LRP1: variants seen among roughly 807,000 people sequenced by gnomAD.
The protein encoded by LRP1 is LDL receptor related protein 1.
In LRP1, 51 loss-of-function variants were observed where a neutral mutation model predicts 541.5. The ratio of observed to expected loss-of-function variants is 0.09; its 90% confidence interval spans 0.08 to 0.12. The LOEUF is 0.12. LRP1 is among the 10% of genes least tolerant of loss of function. The pLI is 1.00. For missense variants in LRP1, 3,878 were observed against 6,376.2 expected (o/e 0.61, Z 13.34); for synonymous variants, 2,219 against 2,470.8 (o/e 0.90, Z 3.02).
At chr12:57,139,175 C>T (rs2035235764) in intron 2 of LRP1, among the ~76,000 whole-genome samples, 1 of 152,188 alleles carries the variant, frequency 6.6e-6, no homozygotes, top group Non-Finnish European at 1.5e-5. Flanking sequence ...TCCTGGGTAG[C>T]TGGCACAGTC....
chr12:57,161,189 G>C, intron 13 of LRP1, 74 bp downstream of exon 13: 1 of 1,396,276 alleles, frequency 7.2e-7, no homozygotes, highest in South Asian at 1.2e-5. Context: ...ATGAGGTTCT[G>C]TGTGAGTATG....
At position 57,175,684 on chromosome 12, in the gene LRP1, G is replaced by C. The variant is rs138433565; in HGVS notation, c.3772G>C (p.Gly1258Arg). 2 of 1,575,214 alleles carry C rather than the reference G, an allele frequency of 1.3e-6. No individual in the cohort carries two copies. The highest frequency in any genetic ancestry group is 8.6e-7 in the Non-Finnish European group (1 of 1,158,322). Residue 1258 changes from glycine to arginine, a missense_variant, in exon 23 of 89, where the codon GGC becomes CGC. By Grantham distance (125) the Gly-to-Arg change is moderately radical (BLOSUM62 -2). Transcript: ENST00000243077. ...CGAGGGCTGGGTCCTGGAACCTGAC[G>C]GCGAGAGCTGCCGCAGCCTGGGTGA... is the stretch of plus-strand genomic sequence containing the variant. ...CYEGWVLEPDGESCRSLDPFK... is the reference protein window; with the variant it reads ...CYEGWVLEPDRESCRSLDPFK...
chr12:57,155,910 C>T (rs1257884245), intron 8 of LRP1, among the ~76,000 whole-genome samples, 184 bp from the exon 9 acceptor site: 1 of 152,126 alleles, frequency 6.6e-6, no homozygotes, highest in Non-Finnish European at 1.5e-5. Flanking sequence ...GTGATCGTGC[C>T]ATTGCACTTC....
At chr12:57,200,193 C>A (rs2036618838) in intron 62 of LRP1, 168 bp downstream of exon 62, 3 of 649,836 alleles carry the variant, frequency 4.6e-6, no homozygotes, top group Non-Finnish European at 8.1e-6. Flanking sequence ...AATACTTTTA[C>A]CCCCGTCACC....
rs746301803 is a variant in LRP1 at position 57,154,410 on chromosome 12, A to G, written c.1004+40A>G. 16 of 1,601,308 alleles carry G rather than the reference A, an allele frequency of 1.0e-5. No individual in the cohort carries two copies. The highest frequency in any genetic ancestry group is 1.3e-5 in the African/African-American group (1 of 74,772). On this transcript the variant is annotated intron_variant, in intron 7 of 88. Transcript: ENST00000243077. This position sits in a 1 kb window ranked among gnomAD's most constrained non-coding sequence, Gnocchi z 4.6. Reference sequence around the variant, plus strand: ...CGGGGTTCTGGCCCTGGAAGGTGGGAGGCTGAGGCTACAGTGGTAAGGAGG... The same window carrying G: ...CGGGGTTCTGGCCCTGGAAGGTGGGGGGCTGAGGCTACAGTGGTAAGGAGG...
Position 57,208,090 on chromosome 12 carries a change from A to G in LRP1, c.11912A>G (p.Asn3971Ser). 2 of 1,614,228 alleles carry G rather than the reference A, an allele frequency of 1.2e-6. No individual in the cohort carries two copies. Among genetic ancestry groups the G allele is most frequent in the African/African-American group, 1.3e-5 (1 of 75,078 alleles). ...RGIAIDWVAGNVYWTDSGRDV... is the reference protein window; with the variant it reads ...RGIAIDWVAGSVYWTDSGRDV... ...ATCGCCATCGACTGGGTGGCCGGAA[A>G]CGTGTACTGGACCGACTCGGGCCGA... Residue 3971 changes from asparagine to serine, a missense_variant, in exon 77 of 89, where the codon AAC becomes AGC. Around this residue, in one of 13 missense-constraint regions of LRP1, gnomAD observed 871 missense variants for 1,212.4 expected, o/e 0.72. Coordinates refer to ENST00000243077, the MANE Select transcript of LRP1 (RefSeq NM_002332.3).
At chr12:57,157,834 C>T (rs146281947) in intron 10 of LRP1, among the ~76,000 whole-genome samples, 193 of 152,226 alleles carry the variant, frequency 1.3e-3, no homozygotes, top group African/African-American at 4.1e-3. Flanking sequence ...CGAAGGCCAG[C>T]GGGGCTGAGT....
intron 1 of LRP1, among the ~76,000 whole-genome samples, chr12:57,136,665 G>A (rs973005412): frequency 6.6e-6 from 1 of 152,234 alleles, no homozygotes; most frequent in African/African-American, 2.4e-5. Flanking sequence ...GAAGGGGTGG[G>A]TGACTGTTCC....
At chr12:57,207,736 C>T (rs1350431151) in intron 76 of LRP1, among the ~76,000 whole-genome samples, 1 of 152,204 alleles carries the variant, frequency 6.6e-6, no homozygotes, top group South Asian at 2.1e-4. Context: ...GCACCAATCC[C>T]CCATCCTTGC....
At position 57,162,220 on chromosome 12, in the gene LRP1, T is replaced by C; in HGVS notation, c.2203-97T>C. The C allele has an allele frequency of 9.1e-7, 1 of 1,093,950 alleles. No homozygotes were observed. The highest frequency in any genetic ancestry group is 1.4e-6 in the Non-Finnish European group (1 of 716,656). 67.8% of individuals were successfully genotyped at this position (1,093,950 alleles called of 1,614,324 possible). On this transcript the variant is annotated intron_variant, in intron 13 of 88. Transcript: ENST00000243077. The surrounding 1 kb of genome is among the most constrained non-coding windows in gnomAD (Gnocchi z 5.2). Reference sequence around the variant, plus strand: ...AATGGGGGAAACAAAGCAAAACCCATGCCCAGGACATAGACAAATGAATGT... The same window carrying C: ...AATGGGGGAAACAAAGCAAAACCCACGCCCAGGACATAGACAAATGAATGT...
At chr12:57,142,279 TG>T (rs1329942156) in intron 3 of LRP1, among the ~76,000 whole-genome samples, 1 of 152,196 alleles carries the variant, frequency 6.6e-6, no homozygotes, top group Non-Finnish European at 1.5e-5. Flanking sequence ...CTTCGGGGTC[TG>T]GGCCCGGAGC....
intron 60 of LRP1, among the ~76,000 whole-genome samples, 191 bp from the exon 61 acceptor site, chr12:57,199,021 A>G (rs563233671): frequency 6.6e-6 from 1 of 152,328 alleles, no homozygotes; most frequent in South Asian, 2.1e-4. Flanking sequence ...GCCATGAGGC[A>G]GTCTAGGTTT....
At position 57,201,355 on chromosome 12, in the gene LRP1, A is replaced by G. The variant is rs1592657511; in HGVS notation, c.10346-142A>G. 2 of 1,408,268 alleles carry G rather than the reference A, an allele frequency of 1.4e-6. No homozygotes were observed. Among genetic ancestry groups the G allele is most frequent in the East Asian group, 2.3e-5 (1 of 42,578 alleles). 87.2% of individuals were successfully genotyped at this position (1,408,268 alleles called of 1,614,324 possible). A position where few individuals can be genotyped will look rare whatever the true frequency, so the allele number is the denominator to read the frequency against. On this transcript the variant is annotated intron_variant, in intron 65 of 88. Coordinates refer to ENST00000243077, the MANE Select transcript of LRP1 (RefSeq NM_002332.3). This position sits in a 1 kb window ranked among gnomAD's most constrained non-coding sequence, Gnocchi z 6.4. ...AGAGATCCAGAAAACAAAAAGCACC[A>G]AAACTGGGGATAAACTGTTCCTTCC... is the stretch of plus-strand genomic sequence containing the variant.
rs1008123432 is a variant in LRP1 at position 57,156,553 on chromosome 12, C to T, written c.1418-224C>T. ...AGCAGTAGCACCTGGCCATGGGCAACCCTGGAACTCTCTTCCCTGACTACT... is the reference window on the plus strand; with the variant it reads ...AGCAGTAGCACCTGGCCATGGGCAATCCTGGAACTCTCTTCCCTGACTACT... On this transcript the variant is annotated intron_variant, in intron 9 of 88. Coordinates refer to ENST00000243077, the MANE Select transcript of LRP1 (RefSeq NM_002332.3). The surrounding 1 kb of genome is among the most constrained non-coding windows in gnomAD (Gnocchi z 5.2). Among the ~76,000 whole-genome samples the T allele has an allele frequency of 1.3e-5, 2 of 152,246 alleles. No homozygotes were observed. Among genetic ancestry groups the T allele is most frequent in the Non-Finnish European group, 2.9e-5 (2 of 68,050 alleles).
chr12:57,194,135 C>T (rs756517632), intron 48 of LRP1, 123 bp downstream of exon 48: 12 of 1,022,582 alleles, frequency 1.2e-5, no homozygotes, highest in Non-Finnish European at 1.7e-5. Context: ...CCGCTGACAG[C>T]CTCCATCTCC....
intron 51 of LRP1, 56 bp downstream of exon 51, chr12:57,195,157 C>T: frequency 6.3e-7 from 1 of 1,596,148 alleles, no homozygotes; most frequent in Non-Finnish European, 8.6e-7. Flanking sequence ...CAGACCCCAC[C>T]CAACTCCACC....
rs1234732953 is a variant in LRP1, at chr12:57,211,568, CA to C, written c.13177del (p.Met4393Ter). 1 of 1,613,964 alleles carries C rather than the reference CA, an allele frequency of 6.2e-7. No individual in the cohort carries two copies. Among genetic ancestry groups the C allele is most frequent in the Non-Finnish European group, 8.5e-7 (1 of 1,180,038 alleles). On this transcript the variant is annotated frameshift_variant, in exon 85 of 89. Coordinates refer to ENST00000243077, the MANE Select transcript of LRP1 (RefSeq NM_002332.3). LOFTEE classifies it high-confidence loss of function. The surrounding 1 kb of genome is among the most constrained non-coding windows in gnomAD (Gnocchi z 4.3). ...ATGGCGGCTCCTGTACCATGAACAG[CA>C]AAATGATGCCTGAGTGCCAGTGAGT... ...SNGGSCTMNSKMMPECQCPPH... is the reference protein window; with the variant it reads ...SNGGSCTMNSXMMPECQCPPH...
Position 57,176,400 on chromosome 12 carries a change from G to A in LRP1, c.3991+294G>A, listed in dbSNP as rs562335796. Among the ~76,000 whole-genome samples, 78 of 152,352 alleles carry A rather than the reference G, an allele frequency of 5.1e-4. 1 individual carries two copies. The highest frequency in any genetic ancestry group is 1.7e-3 in the Admixed American group (26 of 15,308). ...CTTGAAAGAAAAAAGCCACTTAGGA[G>A]TGGCGTACCTGAACGCTGCTTTCTG... On this transcript the variant is annotated intron_variant, in intron 24 of 88. Transcript: ENST00000243077.
Position 57,197,587 on chromosome 12 carries a change from C to G in LRP1, c.9205C>G (p.Gln3069Glu), listed in dbSNP as rs749649715. 1 of 1,614,122 alleles carries G rather than the reference C, an allele frequency of 6.2e-7. No homozygotes were observed. Among genetic ancestry groups the G allele is most frequent in the Non-Finnish European group, 8.5e-7 (1 of 1,180,030 alleles). ...TGCCTTGGATTTTGACTACCGAGAG[C>G]AGATGATCTACTGGACAGATGTGAC... ...AVALDFDYRE[Q>E]MIYWTDVTTQ... Residue 3069 changes from glutamine to glutamate, a missense_variant, in exon 58 of 89, where the codon CAG becomes GAG. Gln to Glu is a conservative substitution (Grantham distance 29). Transcript: ENST00000243077. This position sits in a 1 kb window ranked among gnomAD's most constrained non-coding sequence, Gnocchi z 4.5.
Sources: allele counts gnomAD v4.1 joint callset (sites outside exome capture counted in the v4.1 genomes callset), GRCh38; gene constraint gnomAD v4.1.1; regional missense constraint gnomAD v4.1.1; non-coding constraint Gnocchi (gnomAD v3.1); transcripts MANE v1.5; gene names NCBI Gene and HGNC (gene_info 2026-07-23, HGNC 2026-07-21).